SLC25A25: variants seen among roughly 807,000 people sequenced by gnomAD.
SLC25A25 encodes solute carrier family 25 member 25, also known as mitochondrial adenyl nucleotide antiporter SLC25A25.
A neutral mutation model predicts 57.7 loss-of-function variants in SLC25A25; 32 were observed. The ratio of observed to expected loss-of-function variants is 0.55; its 90% CI spans 0.42 to 0.74. The LOEUF is 0.74. Among genes scored for constraint, SLC25A25 ranks in the 30% least tolerant of loss-of-function variants. The pLI, the probability that SLC25A25 is intolerant of heterozygous loss-of-function variation, is 0.00. For synonymous variants in SLC25A25, 306 were observed against 291.2 expected (o/e 1.05, Z -0.52); for missense variants, 556 against 701.3 (o/e 0.79, Z 2.34).
intron 1 of SLC25A25, among the ~76,000 whole-genome samples, chr9:128,079,883 C>T (rs956881544): frequency 9.9e-5 from 15 of 151,090 alleles, no homozygotes; most frequent in African/African-American, 2.2e-4. Context: ...CCCAGCTACT[C>T]GGGAGGCTGA....
At chr9:128,079,491 G>C (rs1425780023) in intron 1 of SLC25A25, among the ~76,000 whole-genome samples, 3 of 151,312 alleles carry the variant, frequency 2.0e-5, no homozygotes, top group African/African-American at 7.3e-5. Flanking sequence ...GGGCGTTGTG[G>C]CTCACGCCTG....
At chr9:128,081,380 A>T (rs1330978525) in intron 1 of SLC25A25, among the ~76,000 whole-genome samples, 1 of 152,092 alleles carries the variant, frequency 6.6e-6, no homozygotes, top group African/African-American at 2.4e-5. Flanking sequence ...TTTAGTAATA[A>T]ATTTGTTGGT....
In SLC25A25 at chr9:128,101,940, G is replaced by C. The variant is rs969412258; in HGVS notation, c.477-140G>C. ...CTGGTCCTCGGGGACAGCAGCCCTGGGCTCAGCTGCTGTGGCGGGCTCGTC... is the reference window on the plus strand; with the variant it reads ...CTGGTCCTCGGGGACAGCAGCCCTGCGCTCAGCTGCTGTGGCGGGCTCGTC... On this transcript the variant is annotated intron_variant, in intron 3 of 10. Coordinates refer to ENST00000373069, the MANE Select transcript of SLC25A25 (RefSeq NM_001330988.2). This position sits in a 1 kb window ranked among gnomAD's most constrained non-coding sequence, Gnocchi z 4.9. 1 of 971,234 alleles carries C rather than the reference G, an allele frequency of 1.0e-6. No homozygotes were observed. The highest frequency in any genetic ancestry group is 1.6e-6 in the Non-Finnish European group (1 of 633,238). The allele number at this position is 971,234 out of a possible 1,614,324, so 60.2% of individuals were successfully genotyped here.
intron 1 of SLC25A25, among the ~76,000 whole-genome samples, chr9:128,086,172 G>GTTT (rs34490400): frequency 5.1e-4 from 76 of 149,542 alleles, no homozygotes; most frequent in Non-Finnish European, 4.5e-4. Flanking sequence ...TTTTGTTGTT[G>GTTT]TTTTTTTTTA....
chr9:128,082,821 T>G (rs1184300038), intron 1 of SLC25A25, among the ~76,000 whole-genome samples: 1 of 152,014 alleles, frequency 6.6e-6, no homozygotes, highest in Non-Finnish European at 1.5e-5. Flanking sequence ...TTAGTAGAGA[T>G]GGGGTTTCAC....
intron 9 of SLC25A25, among the ~76,000 whole-genome samples, 189 bp downstream of exon 9, chr9:128,106,709 G>A (rs763102766): frequency 1.3e-5 from 2 of 152,164 alleles, no homozygotes; most frequent in Non-Finnish European, 2.9e-5. Context: ...GCTCCTGTGA[G>A]CCCTGCACCC....
chr9:128,103,538 GC>G lies in SLC25A25; in HGVS notation c.625-140del. On this transcript the variant is annotated intron_variant, in intron 5 of 10. Transcript: ENST00000373069. The surrounding 1 kb of genome is among the most constrained non-coding windows in gnomAD (Gnocchi z 6.7). ...CTTCAGAGTGAAGGGAAAGACCCCA[GC>G]CCGCTTCCCACCCAGAGTCCTTGGC... The G allele has an allele frequency of 3.1e-6, 3 of 957,574 alleles. No individual in the cohort carries two copies. In the South Asian group the frequency reaches 4.8e-5, roughly 15 times the overall value. 59.3% of individuals were successfully genotyped at this position (957,574 alleles called of 1,614,324 possible).
At chr9:128,092,467 C>T (rs550179374) in intron 1 of SLC25A25, among the ~76,000 whole-genome samples, 7 of 151,906 alleles carry the variant, frequency 4.6e-5, no homozygotes, top group Admixed American at 1.3e-4. Context: ...GTGCCTCGAC[C>T]GTGGAACCCA....
chr9:128,078,911 T>C (rs1184998836), intron 1 of SLC25A25, among the ~76,000 whole-genome samples: 1 of 152,166 alleles, frequency 6.6e-6, no homozygotes, highest in Non-Finnish European at 1.5e-5. Flanking sequence ...TTTATTTTCA[T>C]AGTTTATGAC....
At chr9:128,081,437 G>A (rs1833154020) in intron 1 of SLC25A25, among the ~76,000 whole-genome samples, 2 of 152,164 alleles carry the variant, frequency 1.3e-5, no homozygotes, top group African/African-American at 4.8e-5. Context: ...AGGACAGGGT[G>A]GGTACAACAA....
At chr9:128,073,473 TCAGA>T (rs1055841945) in intron 1 of SLC25A25, among the ~76,000 whole-genome samples, 10 of 152,194 alleles carry the variant, frequency 6.6e-5, no homozygotes, top group Non-Finnish European at 1.5e-4. Context: ...TATTGCTTAA[TCAGA>T]CAGACTGTTG....
chr9:128,096,940 TCA>T (rs1237180148), intron 1 of SLC25A25, among the ~76,000 whole-genome samples: 3 of 152,256 alleles, frequency 2.0e-5, no homozygotes, highest in Non-Finnish European at 4.4e-5. Flanking sequence ...AGACCTGTTC[TCA>T]CAGACTCGTT....
chr9:128,091,577 G>A (rs562172327), intron 1 of SLC25A25: 11 of 1,064,124 alleles, frequency 1.0e-5, no homozygotes, highest in South Asian at 4.6e-5. Context: ...AAAGCCAAAC[G>A]TTTGCTCACC....
At chr9:128,104,146 C>T (rs1254658029) in intron 6 of SLC25A25, among the ~76,000 whole-genome samples, 39 of 152,166 alleles carry the variant, frequency 2.6e-4, no homozygotes, top group Admixed American at 2.6e-3. Flanking sequence ...GTGTACGTTA[C>T]CCCACACTGG....
rs1588786143 is a variant in SLC25A25 at position 128,102,257 on chromosome 9, C to T, written c.513-113C>T. 1.4e-6 allele frequency: 2 copies of T among 1,404,378 alleles called. No homozygotes were observed. Among genetic ancestry groups the T allele is most frequent in the African/African-American group, 2.9e-5 (2 of 70,094 alleles). 87.0% of individuals were successfully genotyped at this position (1,404,378 alleles called of 1,614,324 possible). On this transcript the variant is annotated intron_variant, in intron 4 of 10. Transcript: ENST00000373069. This position sits in a 1 kb window ranked among gnomAD's most constrained non-coding sequence, Gnocchi z 4.1. ...CTCTTTCTCCTGGGGGCAGAGGCAC[C>T]TCGTGTGGTTTCTGGGCATCCGAAT... is the stretch of plus-strand genomic sequence containing the variant.
At chr9:128,087,165 G>A (rs1039871239) in intron 1 of SLC25A25, among the ~76,000 whole-genome samples, 4 of 150,898 alleles carry the variant, frequency 2.7e-5, no homozygotes, top group East Asian at 4.1e-4. Context: ...CAGTGAGCTG[G>A]GATCGCACCA....
intron 7 of SLC25A25, 79 bp downstream of exon 7, chr9:128,105,960 G>A: frequency 1.3e-6 from 2 of 1,574,056 alleles, no homozygotes; most frequent in Non-Finnish European, 1.7e-6. Context: ...CCTGGGCTGA[G>A]CTCCCTGACA....
chr9:128,094,699 GTTC>G (rs1833510383), intron 1 of SLC25A25, among the ~76,000 whole-genome samples: 1 of 152,180 alleles, frequency 6.6e-6, no homozygotes. Context: ...TACCTGCCCT[GTTC>G]TTATTCATGG....
In SLC25A25 at chr9:128,103,705, A is replaced by G; in HGVS notation, c.649A>G (p.Thr217Ala). 1 of 1,614,136 alleles carries G rather than the reference A, an allele frequency of 6.2e-7. No homozygotes were observed. The highest frequency in any genetic ancestry group is 8.5e-7 in the Non-Finnish European group (1 of 1,180,010). The stretch of plus-strand genomic sequence containing the variant: ...GATCTTTGATGTGGGTGAGAATCTA[A>G]CGGTCCCGGATGAGTTCACAGTGGA... ...STIFDVGENL[T>A]VPDEFTVEER... The change falls in exon 6 of 11, where the codon ACG (threonine) becomes GCG (alanine). Residue 217 changes from threonine to alanine, a missense_variant. By Grantham distance (58) the Thr-to-Ala change is moderately conservative. This residue lies in a region of SLC25A25 where 14 missense variants were observed against 38.2 expected (regional missense o/e 0.37). Coordinates refer to ENST00000373069, the MANE Select transcript of SLC25A25 (RefSeq NM_001330988.2). This position sits in a 1 kb window ranked among gnomAD's most constrained non-coding sequence, Gnocchi z 6.7.
Sources: allele counts gnomAD v4.1 joint callset (sites outside exome capture counted in the v4.1 genomes callset), GRCh38; gene constraint gnomAD v4.1.1; regional missense constraint gnomAD v4.1.1; non-coding constraint Gnocchi (gnomAD v3.1); transcripts MANE v1.5; gene names NCBI Gene and HGNC (gene_info 2026-07-23, HGNC 2026-07-21).